Variants in SMAP1 observed in about 807,000 individuals in gnomAD.
SMAP1 encodes small ArfGAP 1, also known as stromal membrane-associated protein 1.
In SMAP1, 24 loss-of-function variants were observed where a neutral mutation model predicts 58.5. The ratio of observed to expected loss-of-function variants is 0.41; its 90% CI spans 0.30 to 0.58. The LOEUF (loss-of-function observed/expected upper bound fraction) is 0.58. Ranked by LOEUF, SMAP1 falls within the 20% of genes least tolerant of loss-of-function variation. The pLI is 0.29. For synonymous variants in SMAP1, 216 were observed against 196.6 expected (o/e 1.10, Z -0.82); for missense variants, 563 against 566.3 (o/e 0.99, Z 0.06).
chr6:70,820,560 G>T (rs940409374), intron 6 of SMAP1, among the ~76,000 whole-genome samples: 2 of 152,138 alleles, frequency 1.3e-5, no homozygotes, highest in Admixed American at 1.3e-4. Flanking sequence ...CAAAAAATTA[G>T]CTGGGTGTGG....
intron 4 of SMAP1, among the ~76,000 whole-genome samples, chr6:70,782,030 CT>C (rs1478332970): frequency 1.3e-5 from 2 of 152,134 alleles, no homozygotes; most frequent in Admixed American, 6.5e-5. Flanking sequence ...TGGATTTCTA[CT>C]GCGTATTATC....
intron 6 of SMAP1, among the ~76,000 whole-genome samples, chr6:70,833,304 G>A (rs1412532118): frequency 1.3e-5 from 2 of 152,148 alleles, no homozygotes; most frequent in African/African-American, 4.8e-5. Flanking sequence ...TAATATATAT[G>A]AAGAAGTATA....
chr6:70,843,842 A>C (rs1052023608), intron 7 of SMAP1, among the ~76,000 whole-genome samples: 4 of 152,212 alleles, frequency 2.6e-5, no homozygotes, highest in African/African-American at 9.6e-5. Flanking sequence ...CTAGCACAGT[A>C]ACTTGCACAC....
At chr6:70,803,984 C>T (rs573222686) in intron 6 of SMAP1, among the ~76,000 whole-genome samples, 2 of 152,276 alleles carry the variant, frequency 1.3e-5, no homozygotes, top group East Asian at 1.9e-4. Flanking sequence ...GTGGAGAGTT[C>T]TGTAGATGTC....
intron 3 of SMAP1, among the ~76,000 whole-genome samples, chr6:70,762,912 C>A (rs955342286): frequency 2.0e-5 from 3 of 151,736 alleles, no homozygotes; most frequent in Non-Finnish European, 2.9e-5. Flanking sequence ...TTCACAGATA[C>A]ATGTTATTTT....
At chr6:70,859,458 T>C (rs1771601532) in intron 10 of SMAP1, 1 of 1,266,020 alleles carries the variant, frequency 7.9e-7, no homozygotes, top group Non-Finnish European at 1.1e-6. Flanking sequence ...TTATGCCTGA[T>C]TAGTGATGTA....
intron 7 of SMAP1, among the ~76,000 whole-genome samples, chr6:70,851,252 T>G (rs1040073511): frequency 6.6e-6 from 1 of 152,194 alleles, no homozygotes; most frequent in Non-Finnish European, 1.5e-5. Context: ...AATAATTCTT[T>G]GTAATTGAAG....
At chr6:70,720,482 C>T (rs1768474399) in intron 1 of SMAP1, among the ~76,000 whole-genome samples, 1 of 152,180 alleles carries the variant, frequency 6.6e-6, no homozygotes, top group South Asian at 2.1e-4. Flanking sequence ...GCCCTCTTCT[C>T]ACAGCTCCAC....
At chr6:70,727,579 A>G (rs556815819) in intron 1 of SMAP1, among the ~76,000 whole-genome samples, 7 of 152,328 alleles carry the variant, frequency 4.6e-5, no homozygotes, top group African/African-American at 1.7e-4. Flanking sequence ...GTGTTTTGTC[A>G]TCTTCGTTTA....
intron 9 of SMAP1, chr6:70,857,437 G>A: frequency 5.9e-6 from 1 of 168,090 alleles, no homozygotes; most frequent in Non-Finnish European, 1.3e-5. Flanking sequence ...CAAAATATTA[G>A]CATAAGCCTT....
intron 1 of SMAP1, among the ~76,000 whole-genome samples, chr6:70,709,150 C>G (rs1433380379): frequency 1.3e-5 from 2 of 151,842 alleles, no homozygotes; most frequent in Non-Finnish European, 2.9e-5. Flanking sequence ...TTTAGTTTTC[C>G]CAACCCCATT....
In SMAP1 at chr6:70,668,469, G is replaced by A. The variant is rs968716434; in HGVS notation, c.118+328G>A. The A allele has an allele frequency of 7.7e-6, 11 of 1,424,218 alleles. No individual in the cohort carries two copies. In the African/African-American group the frequency reaches 1.4e-4, roughly 19 times the overall value. The allele number at this position is 1,424,218 out of a possible 1,614,324, so 88.2% of individuals were successfully genotyped here. ...GGAGCGAGGCTGGGAGCGCGGAACCGGGCACGGGTCTGGGCAGAGCTTAGG... is the reference window on the plus strand; with the variant it reads ...GGAGCGAGGCTGGGAGCGCGGAACCAGGCACGGGTCTGGGCAGAGCTTAGG... On this transcript the variant is annotated intron_variant, in intron 1 of 10. Coordinates refer to ENST00000370455, the MANE Select transcript of SMAP1 (RefSeq NM_001044305.3).
chr6:70,674,995 A>G (rs1303183098), intron 1 of SMAP1, among the ~76,000 whole-genome samples: 2 of 152,082 alleles, frequency 1.3e-5, no homozygotes, highest in Non-Finnish European at 2.9e-5. Context: ...ACAAAAACAA[A>G]AAGTTTTGGA....
chr6:70,684,039 T>C (rs1181604360), intron 1 of SMAP1, among the ~76,000 whole-genome samples: 1 of 152,260 alleles, frequency 6.6e-6, no homozygotes, highest in African/African-American at 2.4e-5. Context: ...TGGGTTTTTA[T>C]GCTTAACCAA....
intron 2 of SMAP1, among the ~76,000 whole-genome samples, chr6:70,748,752 A>C (rs1156495196): frequency 6.6e-6 from 1 of 152,056 alleles, no homozygotes; most frequent in East Asian, 1.9e-4. Context: ...ACATGGTACA[A>C]ACTTTAAAGG....
chr6:70,668,769 G>A (rs1181215988), intron 1 of SMAP1: 2 of 1,524,112 alleles, frequency 1.3e-6, no homozygotes, highest in Non-Finnish European at 1.8e-6. Context: ...TTTATTAGTA[G>A]TAGTATTGTT....
chr6:70,708,139 G>A (rs1404837957), intron 1 of SMAP1, among the ~76,000 whole-genome samples: 1 of 151,720 alleles, frequency 6.6e-6, no homozygotes, highest in Non-Finnish European at 1.5e-5. Context: ...CCTTTCCTGC[G>A]CCTGGTAACC....
chr6:70,802,219 G>A lies in SMAP1; in HGVS notation c.576+3482G>A, dbSNP rs531380434. On this transcript the variant is annotated intron_variant, in intron 6 of 10. Coordinates refer to ENST00000370455, the MANE Select transcript of SMAP1 (RefSeq NM_001044305.3). ...GCAGTGGTTTGTAGTTCTCCTTGAC[G>A]AGGTCCTTTACATCCCTTGTAAGTT... Among the ~76,000 whole-genome samples the A allele has an allele frequency of 3.3e-5, 5 of 152,220 alleles. No individual in the cohort carries two copies. In the East Asian group the frequency reaches 5.8e-4, roughly 18 times the overall value.
At chr6:70,673,091 G>A (rs1766335404) in intron 1 of SMAP1, among the ~76,000 whole-genome samples, 1 of 152,182 alleles carries the variant, frequency 6.6e-6, no homozygotes, top group African/African-American at 2.4e-5. Flanking sequence ...ATATAAGTCA[G>A]GGTATAGAGC....
Sources: allele counts gnomAD v4.1 joint callset (sites outside exome capture counted in the v4.1 genomes callset), GRCh38; gene constraint gnomAD v4.1.1; transcripts MANE v1.5; gene names NCBI Gene and HGNC (gene_info 2026-07-23, HGNC 2026-07-21).